The following C5orf22 variants were observed in gnomAD, a reference collection of about 807,000 sequenced individuals.
C5orf22 encodes UPF0489 protein C5orf22.
In C5orf22, 36 loss-of-function variants were observed where a neutral mutation model predicts 48.7. The observed-to-expected ratio is 0.74, with a 90% CI of 0.57 to 0.98. C5orf22 has a LOEUF of 0.98. Among genes scored for constraint, C5orf22 ranks in the 50% least tolerant of loss-of-function variants. The pLI is 0.00. For synonymous variants in C5orf22, 141 were observed against 180.8 expected (o/e 0.78, Z 1.76); for missense variants, 486 against 521.9 (o/e 0.93, Z 0.67).
At chr5:31,543,173 ACAT>A (rs1255496116) in intron 6 of C5orf22, among the ~76,000 whole-genome samples, 3 of 152,238 alleles carry the variant, frequency 2.0e-5, no homozygotes, top group Non-Finnish European at 4.4e-5. Flanking sequence ...TAAAATGTAA[ACAT>A]CATAAAGCTT....
rs1258813738 is a variant in C5orf22 at position 31,538,251 on chromosome 5, C to G, written c.378-9C>G. 1 of 1,550,758 alleles carries G rather than the reference C, an allele frequency of 6.4e-7. No individual in the cohort carries two copies. Among genetic ancestry groups the G allele is most frequent in the African/African-American group, 1.4e-5 (1 of 72,304 alleles). On this transcript the variant is annotated splice_polypyrimidine_tract_variant and intron_variant, in intron 3 of 8. Coordinates refer to ENST00000325366, the MANE Select transcript of C5orf22 (RefSeq NM_018356.3). ...TTCTTCTTAAAAATCGTTTTTTCCTCTGATTCAGGGTTACAAGTACAGATC... is the reference window on the plus strand; with the variant it reads ...TTCTTCTTAAAAATCGTTTTTTCCTGTGATTCAGGGTTACAAGTACAGATC...
chr5:31,535,195 T>G (rs1742000718), intron 2 of C5orf22: 1 of 336,000 alleles, frequency 3.0e-6, no homozygotes, highest in African/African-American at 2.2e-5. Flanking sequence ...GTATCAAGTG[T>G]GAATAACCAT....
chr5:31,532,588 A>C lies in C5orf22; in HGVS notation c.81+115A>C, dbSNP rs149860336. 8 of 851,896 alleles carry C rather than the reference A, an allele frequency of 9.4e-6. 1 individual carries two copies. The Middle Eastern group carries it at 9.5e-4, about 101-fold the overall frequency. The allele number at this position is 851,896 out of a possible 1,614,324, so 52.8% of individuals were successfully genotyped here. A position where few individuals can be genotyped will look rare whatever the true frequency, so the allele number is the denominator to read the frequency against. ...AGGCCAGAGAGTTAACCAGAGTTAA[A>C]CTGCCCTATTCCGTTGCTGTGGAGA... On this transcript the variant is annotated intron_variant, in intron 1 of 8. Coordinates refer to ENST00000325366, the MANE Select transcript of C5orf22 (RefSeq NM_018356.3).
intron 8 of C5orf22, 102 bp from the exon 9 acceptor site, chr5:31,552,671 C>G: frequency 9.5e-7 from 1 of 1,050,280 alleles, no homozygotes; most frequent in East Asian, 2.5e-5. Flanking sequence ...TTCAGCACAC[C>G]TTAATTTCTG....
At chr5:31,537,796 C>G (rs931025083) in intron 3 of C5orf22, among the ~76,000 whole-genome samples, 2 of 152,160 alleles carry the variant, frequency 1.3e-5, no homozygotes, top group Non-Finnish European at 2.9e-5. Context: ...AGAGTTTATT[C>G]TTATATTAGA....
chr5:31,538,758 C>G, intron 4 of C5orf22, 69 bp downstream of exon 4: 1 of 1,191,964 alleles, frequency 8.4e-7, no homozygotes, highest in Non-Finnish European at 1.2e-6. Context: ...GAGGAACCAG[C>G]AAACTCTTTA....
intron 6 of C5orf22, among the ~76,000 whole-genome samples, chr5:31,544,110 A>G (rs1042273696): frequency 6.6e-6 from 1 of 152,190 alleles, no homozygotes; most frequent in Non-Finnish European, 1.5e-5. Context: ...AGAAAATGTC[A>G]TTAATTAAAA....
At chr5:31,552,339 C>A (rs1449670438) in intron 8 of C5orf22, among the ~76,000 whole-genome samples, 4 of 152,184 alleles carry the variant, frequency 2.6e-5, no homozygotes, top group African/African-American at 4.8e-5. Flanking sequence ...GAAATAGGAT[C>A]CTTTTATCAG....
rs1301535901 is a variant in C5orf22 at position 31,554,512 on chromosome 5, T to C, written c.*1610T>C. On this transcript the variant is annotated 3_prime_UTR_variant, in exon 9 of 9. Coordinates refer to ENST00000325366, the MANE Select transcript of C5orf22 (RefSeq NM_018356.3). ...TCAGCTTTCCATTTTCATAGGATAA[T>C]ATGTGCCAAAAAAGGTTTATTTTCT... 1 of 152,194 alleles carries C rather than the reference T, an allele frequency of 6.6e-6. No homozygotes were observed. Among genetic ancestry groups the C allele is most frequent in the Admixed American group, 6.5e-5 (1 of 15,276 alleles). 9.4% of individuals were successfully genotyped at this position (152,194 alleles called of 1,614,324 possible).
chr5:31,538,825 T>A, intron 4 of C5orf22, 136 bp downstream of exon 4: 1 of 654,528 alleles, frequency 1.5e-6, no homozygotes, highest in East Asian at 2.7e-5. Flanking sequence ...ACTAATACCC[T>A]TTTCTGTTGT....
In C5orf22 at chr5:31,551,312, C is replaced by T. The variant is rs780231017; in HGVS notation, c.1079C>T (p.Thr360Ile). Residue 360 changes from threonine to isoleucine, a missense_variant, in exon 8 of 9, where the codon ACC (threonine) becomes ATC (isoleucine). Around this residue, in one of 3 missense-constraint regions of C5orf22, gnomAD observed 408 missense variants for 444.0 expected, o/e 0.92. Coordinates refer to ENST00000325366, the MANE Select transcript of C5orf22 (RefSeq NM_018356.3). ...DYEMVHQAGL[T>I]CDYSELPHHI... ...TTTCAGGTTCACCAGGCTGGTTTAACCTGCGATTATTCAGAACTTCCTCAC... is the reference window on the plus strand; with the variant it reads ...TTTCAGGTTCACCAGGCTGGTTTAATCTGCGATTATTCAGAACTTCCTCAC... 5.6e-6 allele frequency: 9 copies of T among 1,613,344 alleles called. 1 individual carries two copies. The highest frequency in any genetic ancestry group is 3.3e-4 in the Middle Eastern group (2 of 5,998).
In C5orf22 at chr5:31,532,436, C is replaced by G. The variant is rs749113597; in HGVS notation, c.44C>G (p.Pro15Arg). ...AGGRAGLRRY[P>R]KLPVWVVEDH... is the part of the protein sequence containing the mutation. ...GGGCGCGCTGGTCTCCGGCGTTACCCCAAGCTCCCAGTGTGGGTGGTGGAG... is the reference window on the plus strand; with the variant it reads ...GGGCGCGCTGGTCTCCGGCGTTACCGCAAGCTCCCAGTGTGGGTGGTGGAG... Residue 15 changes from proline (P) to arginine (R), a missense_variant, in exon 1 of 9, where the codon CCC (proline) becomes CGC (arginine). By Grantham distance (103) the Pro-to-Arg change is moderately radical. Transcript: ENST00000325366. 1.2e-6 allele frequency: 2 copies of G among 1,613,964 alleles called. No individual in the cohort carries two copies. Among genetic ancestry groups the G allele is most frequent in the Non-Finnish European group, 1.7e-6 (2 of 1,179,962 alleles).
intron 4 of C5orf22, among the ~76,000 whole-genome samples, chr5:31,539,445 G>A (rs541711472): frequency 2.0e-5 from 3 of 152,196 alleles, no homozygotes; most frequent in Admixed American, 6.5e-5. Context: ...TCTTTCCAGC[G>A]ATATTCTATA....
At chr5:31,543,342 C>T (rs1056241137) in intron 6 of C5orf22, among the ~76,000 whole-genome samples, 6 of 152,062 alleles carry the variant, frequency 3.9e-5, no homozygotes, top group African/African-American at 1.4e-4. Context: ...CCAAGGTGGG[C>T]AGATCGCCTG....
chr5:31,532,565 GC>G, intron 1 of C5orf22, 92 bp downstream of exon 1: 1 of 1,132,082 alleles, frequency 8.8e-7, no homozygotes. Context: ...AGCATCGGAG[GC>G]CAGAGAGTTA....
intron 6 of C5orf22, among the ~76,000 whole-genome samples, chr5:31,544,276 A>G (rs1580451533): frequency 6.6e-6 from 1 of 152,314 alleles, no homozygotes; most frequent in East Asian, 1.9e-4. Context: ...GTCCACCTAA[A>G]CTTAATACCT....
chr5:31,551,580 A>G, intron 8 of C5orf22, 148 bp downstream of exon 8: 1 of 646,136 alleles, frequency 1.5e-6, no homozygotes. Context: ...TGGATTTATC[A>G]GGTGGGCCCA....
chr5:31,546,861 A>G (rs1742913202), intron 7 of C5orf22, among the ~76,000 whole-genome samples: 1 of 152,212 alleles, frequency 6.6e-6, no homozygotes, highest in African/African-American at 2.4e-5. Flanking sequence ...GGACACAGCC[A>G]CACCATATCA....
Position 31,535,843 on chromosome 5 carries a change from G to A in C5orf22, c.327G>A (p.Glu109=), listed in dbSNP as rs1561319121. 6 of 1,613,532 alleles carry A rather than the reference G, an allele frequency of 3.7e-6. No individual in the cohort carries two copies. Among genetic ancestry groups the A allele is most frequent in the Non-Finnish European group, 5.1e-6 (6 of 1,179,836 alleles). Residue 109 remains glutamate (E), a synonymous_variant, in exon 3 of 9, where the codon GAG becomes GAA. Coordinates refer to ENST00000325366, the MANE Select transcript of C5orf22 (RefSeq NM_018356.3). The stretch of plus-strand genomic sequence containing the variant: ...CCACATGGGCTCAGCAGATCAGAGA[G>A]GGCAGACACCACTTTTTAGTAGGCA... ...FHPTWAQQIR[E]GRHHFLVGKD...
Sources: gnomAD v4.1 joint callset for allele counts (sites outside exome capture counted in the v4.1 genomes callset) on GRCh38, gnomAD v4.1.1 for gene constraint, gnomAD v4.1.1 regional missense constraint, MANE v1.5 for transcripts, NCBI Gene and HGNC (gene_info 2026-07-23, HGNC 2026-07-21) for gene names.